TPST1: variants seen among roughly 807,000 people sequenced by gnomAD.
TPST1 encodes the protein tyrosylprotein sulfotransferase 1.
In TPST1, 20 loss-of-function variants were observed where a neutral mutation model predicts 34.8. That is an observed-to-expected ratio of 0.57 (90% CI 0.40 to 0.84). The LOEUF is 0.84. Among genes scored for constraint, TPST1 ranks in the 40% least tolerant of loss-of-function variants. The pLI is 0.00. For synonymous variants in TPST1, 152 were observed against 159.4 expected (o/e 0.95, Z 0.35); for missense variants, 353 against 455.5 (o/e 0.78, Z 2.05).
intron 2 of TPST1, among the ~76,000 whole-genome samples, chr7:66,271,882 A>T (rs1028030309): frequency 6.6e-6 from 1 of 152,170 alleles, no homozygotes; most frequent in African/African-American, 2.4e-5. Flanking sequence ...TAAAAAGAGA[A>T]TACGCAACAG....
At chr7:66,300,609 A>G (rs1791294961) in intron 3 of TPST1, among the ~76,000 whole-genome samples, 1 of 152,210 alleles carries the variant, frequency 6.6e-6, no homozygotes, top group Non-Finnish European at 1.5e-5. Context: ...AGGAGTTGGT[A>G]TCTATGGCAG....
At chr7:66,273,758 A>G (rs537114922) in intron 2 of TPST1, among the ~76,000 whole-genome samples, 1 of 151,998 alleles carries the variant, frequency 6.6e-6, no homozygotes, top group South Asian at 2.1e-4. Context: ...CATCATATAC[A>G]ACAACCAACT....
rs139799652 is a variant in TPST1, at chr7:66,254,467, G to A, written c.845+13197G>A. 7.5e-3 allele frequency among the ~76,000 whole-genome samples: 1,137 copies of A among 152,146 alleles called. 13 individuals are homozygous for A. Among genetic ancestry groups the A allele is most frequent in the African/African-American group, 0.026 (1,095 of 41,506 alleles). On this transcript the variant is annotated intron_variant, in intron 2 of 5. Transcript: ENST00000304842. ...TGCCCAGGGTAGAGTGCAGTGGTGC[G>A]ATCTCAGCTCACTGCAACCTCCGCC...
At chr7:66,243,882 G>A (rs1790090354) in intron 2 of TPST1, among the ~76,000 whole-genome samples, 1 of 151,168 alleles carries the variant, frequency 6.6e-6, no homozygotes, top group African/African-American at 2.4e-5. Flanking sequence ...AGAATTTATT[G>A]CCCACAGTCA....
chr7:66,217,765 T>C (rs1353495279), intron 1 of TPST1, among the ~76,000 whole-genome samples: 2 of 152,014 alleles, frequency 1.3e-5, no homozygotes, highest in Admixed American at 6.6e-5. Flanking sequence ...TTTGTATTTT[T>C]AGTAGAGGTG....
intron 3 of TPST1, among the ~76,000 whole-genome samples, chr7:66,309,581 T>C (rs951456882): frequency 1.3e-5 from 2 of 152,094 alleles, no homozygotes; most frequent in African/African-American, 4.8e-5. Context: ...TCCCTGGGAC[T>C]GTGAAATGGT....
intron 3 of TPST1, among the ~76,000 whole-genome samples, chr7:66,306,226 A>T (rs1791421292): frequency 6.6e-6 from 1 of 152,118 alleles, no homozygotes. Context: ...GAATGCATTT[A>T]CTTTTGTTTT....
At chr7:66,341,672 C>T (rs6956179) in intron 3 of TPST1, among the ~76,000 whole-genome samples, 83,920 of 151,964 alleles carry the variant, frequency 0.55, 23,275 homozygotes, top group Non-Finnish European at 0.59. Flanking sequence ...TAGAGAACTC[C>T]ATTTAACTTT....
chr7:66,338,228 A>T (rs1331550756), intron 3 of TPST1, among the ~76,000 whole-genome samples: 1 of 152,092 alleles, frequency 6.6e-6, no homozygotes, highest in East Asian at 1.9e-4. Context: ...AAGATGGTTA[A>T]AAAAAAGACA....
chr7:66,263,833 C>T lies in TPST1; in HGVS notation c.845+22563C>T, dbSNP rs997595545. On this transcript the variant is annotated intron_variant, in intron 2 of 5. Transcript: ENST00000304842. ...GTAAAATTTTACCCTTCCATAAGAG[C>T]GACAGAAGAACTGGCAACACCTGTC... Among the ~76,000 whole-genome samples, 16 of 152,002 alleles carry T rather than the reference C, an allele frequency of 1.1e-4. 1 individual carries two copies. The highest frequency in any genetic ancestry group is 1.2e-4 in the African/African-American group (5 of 41,366).
chr7:66,248,774 A>G (rs1340391938), intron 2 of TPST1, among the ~76,000 whole-genome samples: 1 of 152,070 alleles, frequency 6.6e-6, no homozygotes, highest in Non-Finnish European at 1.5e-5. Context: ...CGGCCTCCCA[A>G]AGTGCTGGGA....
chr7:66,217,874 G>A (rs1181728302), intron 1 of TPST1, among the ~76,000 whole-genome samples: 3 of 150,412 alleles, frequency 2.0e-5, no homozygotes, highest in African/African-American at 7.3e-5. Context: ...GTGAGCCACC[G>A]CGCCTGGCCT....
At chr7:66,213,830 T>A (rs190899431) in intron 1 of TPST1, among the ~76,000 whole-genome samples, 2 of 152,318 alleles carry the variant, frequency 1.3e-5, no homozygotes, top group Admixed American at 1.3e-4. Context: ...TGGCATCTGT[T>A]AATTGTCTTT....
intron 3 of TPST1, among the ~76,000 whole-genome samples, chr7:66,324,997 G>C (rs1010596878): frequency 5.9e-5 from 9 of 152,234 alleles, no homozygotes; most frequent in African/African-American, 2.2e-4. Flanking sequence ...ACCTGTATTA[G>C]TCCGTTTTCA....
intron 2 of TPST1, among the ~76,000 whole-genome samples, chr7:66,269,490 G>A (rs1790655672): frequency 6.6e-6 from 1 of 152,118 alleles, no homozygotes; most frequent in Non-Finnish European, 1.5e-5. Flanking sequence ...TAAATTAAAG[G>A]AGAAAACCAT....
intron 2 of TPST1, among the ~76,000 whole-genome samples, chr7:66,259,839 C>G (rs888804058): frequency 1.3e-5 from 2 of 152,184 alleles, no homozygotes; most frequent in African/African-American, 4.8e-5. Context: ...CAAATGTATA[C>G]TACCATATAT....
intron 3 of TPST1, among the ~76,000 whole-genome samples, chr7:66,347,432 C>T (rs1019348328): frequency 3.9e-5 from 6 of 152,134 alleles, no homozygotes; most frequent in African/African-American, 1.4e-4. Flanking sequence ...ATTGAAGAGA[C>T]TGTTCTTTCC....
chr7:66,333,965 T>G (rs1792044176), intron 3 of TPST1, among the ~76,000 whole-genome samples: 1 of 152,146 alleles, frequency 6.6e-6, no homozygotes, highest in Non-Finnish European at 1.5e-5. Context: ...ATAAAAATGG[T>G]AAGGGACTGA....
At chr7:66,356,244 G>A (rs1243820353) in intron 4 of TPST1, among the ~76,000 whole-genome samples, 1 of 152,118 alleles carries the variant, frequency 6.6e-6, no homozygotes, top group Non-Finnish European at 1.5e-5. Flanking sequence ...TGCAGATCAG[G>A]ACCAGCCATA....
Sources: allele counts gnomAD v4.1 joint callset (sites outside exome capture counted in the v4.1 genomes callset), GRCh38; gene constraint gnomAD v4.1.1; transcripts MANE v1.5; gene names NCBI Gene and HGNC (gene_info 2026-07-23, HGNC 2026-07-21).